MACROD2: variants seen among roughly 807,000 people sequenced by gnomAD.
MACROD2 encodes ADP-ribose glycohydrolase MACROD2.
In MACROD2, 36 loss-of-function variants were observed where a neutral mutation model predicts 70.4. That is an observed-to-expected ratio of 0.51 (90% CI 0.39 to 0.68). The LOEUF (loss-of-function observed/expected upper bound fraction) is 0.68. Among genes scored for constraint, MACROD2 ranks in the 30% least tolerant of loss-of-function variants. The pLI, the probability that MACROD2 is intolerant of heterozygous loss-of-function variation, is 0.00. For missense variants in MACROD2, 496 were observed against 538.4 expected, an observed-to-expected ratio of 0.92 and a Z score of 0.78; for synonymous variants, 172 against 178.8, an observed-to-expected ratio of 0.96 and a Z score of 0.30.
chr20:14,774,457 G>A (rs1448824361), intron 5 of MACROD2, among the ~76,000 whole-genome samples: 1 of 152,032 alleles, frequency 6.6e-6, no homozygotes, highest in Non-Finnish European at 1.5e-5. Flanking sequence ...TTAAACACCA[G>A]TGAGTAAGGG....
chr20:16,032,740 G>A (rs2067169208), intron 15 of MACROD2, among the ~76,000 whole-genome samples: 1 of 123,672 alleles, frequency 8.1e-6, no homozygotes, highest in South Asian at 3.0e-4. Context: ...GAGAGAAGAA[G>A]GGAAGAAAGG....
intron 3 of MACROD2, among the ~76,000 whole-genome samples, chr20:14,477,410 A>G (rs1055039234): frequency 6.6e-6 from 1 of 152,168 alleles, no homozygotes; most frequent in East Asian, 1.9e-4. Context: ...GAGGTAAACT[A>G]TTACTACGTT....
intron 3 of MACROD2, among the ~76,000 whole-genome samples, chr20:14,364,388 A>G (rs1320564082): frequency 6.6e-6 from 1 of 152,200 alleles, no homozygotes; most frequent in Non-Finnish European, 1.5e-5. Flanking sequence ...TTTGCCTATC[A>G]TTTAATGATT....
At chr20:15,444,004 G>A (rs1217829183) in intron 7 of MACROD2, among the ~76,000 whole-genome samples, 2 of 152,146 alleles carry the variant, frequency 1.3e-5, no homozygotes, top group Non-Finnish European at 2.9e-5. Flanking sequence ...AATTCACAGA[G>A]TTGCACAACA....
chr20:15,341,189 G>A (rs1001895111), intron 6 of MACROD2, among the ~76,000 whole-genome samples: 2 of 152,080 alleles, frequency 1.3e-5, no homozygotes, highest in Non-Finnish European at 2.9e-5. Flanking sequence ...TACATAAAAC[G>A]GTTAGAAAGT....
At chr20:14,438,665 A>C (rs561281332) in intron 3 of MACROD2, among the ~76,000 whole-genome samples, 1 of 152,260 alleles carries the variant, frequency 6.6e-6, no homozygotes, top group Non-Finnish European at 1.5e-5. Context: ...ATGATTAAAG[A>C]TTAGGGCACC....
intron 5 of MACROD2, among the ~76,000 whole-genome samples, chr20:15,169,421 G>A (rs181266915): frequency 6.6e-6 from 1 of 152,146 alleles, no homozygotes; most frequent in Non-Finnish European, 1.5e-5. Flanking sequence ...GTCTTTTTTG[G>A]CCTCTGGATT....
intron 5 of MACROD2, among the ~76,000 whole-genome samples, chr20:14,930,636 C>T (rs2074285584): frequency 2.0e-5 from 3 of 151,908 alleles, no homozygotes; most frequent in South Asian, 4.2e-4. Flanking sequence ...TACTCAATAA[C>T]AGTATTAAAC....
chr20:14,165,782 A>C (rs781628752), intron 3 of MACROD2, among the ~76,000 whole-genome samples: 5 of 152,216 alleles, frequency 3.3e-5, no homozygotes, highest in Non-Finnish European at 5.9e-5. Context: ...AAATGCATTG[A>C]TGGATGAATG....
At chr20:14,026,480 C>T (rs2053167856) in intron 2 of MACROD2, among the ~76,000 whole-genome samples, 1 of 152,130 alleles carries the variant, frequency 6.6e-6, no homozygotes, top group Non-Finnish European at 1.5e-5. Flanking sequence ...GTGGTTGGTA[C>T]CGGTTTTTCC....
In MACROD2 at chr20:15,470,523, C is replaced by T. The variant is rs114132011; in HGVS notation, c.572-29251C>T. On this transcript the variant is annotated intron_variant, in intron 7 of 17. Transcript: ENST00000684519. ...TTGTATGTCATCTCCCTGCCACCTGCGGAGTACGGAGGAAGAGCCAGGGCA... is the reference window on the plus strand; with the variant it reads ...TTGTATGTCATCTCCCTGCCACCTGTGGAGTACGGAGGAAGAGCCAGGGCA... 2.1e-3 allele frequency among the ~76,000 whole-genome samples: 318 copies of T among 152,264 alleles called. 1 individual carries two copies. The highest frequency in any genetic ancestry group is 7.2e-3 in the African/African-American group (301 of 41,554).
intron 8 of MACROD2, among the ~76,000 whole-genome samples, chr20:15,519,774 C>T (rs139519966): frequency 6.6e-6 from 1 of 152,294 alleles, no homozygotes; most frequent in African/African-American, 2.4e-5. Flanking sequence ...CTAGAGAAGC[C>T]TTATCTCCCT....
chr20:14,738,201 A>C (rs1449736729), intron 5 of MACROD2, among the ~76,000 whole-genome samples: 2 of 152,132 alleles, frequency 1.3e-5, no homozygotes, highest in Non-Finnish European at 2.9e-5. Flanking sequence ...GTTTAGGCAA[A>C]CATTTATAAA....
Position 14,674,856 on chromosome 20 carries a change from C to T in MACROD2, c.302-9987C>T, listed in dbSNP as rs956232897. 4.6e-5 allele frequency among the ~76,000 whole-genome samples: 7 copies of T among 152,084 alleles called. No homozygotes were observed. In the East Asian group the frequency reaches 9.6e-4, roughly 21 times the overall value. The stretch of plus-strand genomic sequence containing the variant: ...TTCTGAGAGATACATATTCAATGAG[C>T]GAAGCCTCTTACTTTTTAGGCTAAT... On this transcript the variant is annotated intron_variant, in intron 4 of 17. Coordinates refer to ENST00000684519, the MANE Select transcript of MACROD2 (RefSeq NM_001351661.2).
intron 5 of MACROD2, among the ~76,000 whole-genome samples, chr20:14,762,460 C>T (rs2072028511): frequency 6.6e-6 from 1 of 152,052 alleles, no homozygotes; most frequent in South Asian, 2.1e-4. Context: ...AAATCAAAAA[C>T]AAAAATAAAA....
chr20:14,829,791 C>A (rs2072943661), intron 5 of MACROD2, among the ~76,000 whole-genome samples: 1 of 152,018 alleles, frequency 6.6e-6, no homozygotes, highest in African/African-American at 2.4e-5. Flanking sequence ...TTCATTGAAT[C>A]AATTATTTTA....
intron 8 of MACROD2, among the ~76,000 whole-genome samples, chr20:15,608,883 A>T: frequency 1.3e-5 from 2 of 151,238 alleles, no homozygotes; most frequent in East Asian, 1.9e-4. Flanking sequence ...CTTTTTCTTT[A>T]TGTTATATTT....
Position 15,673,812 on chromosome 20 carries a change from G to A in MACROD2, c.645+173965G>A, listed in dbSNP as rs114331394. Among the ~76,000 whole-genome samples the A allele has an allele frequency of 5.2e-3, 778 of 150,486 alleles. 7 individuals are homozygous for A. The highest frequency in any genetic ancestry group is 0.018 in the African/African-American group (738 of 41,224). ...AAAAAAAAACAGCCCTGATCTCAAG[G>A]AGCTTATAGTCTATCGCATCCAATA... is the stretch of plus-strand genomic sequence containing the variant. On this transcript the variant is annotated intron_variant, in intron 8 of 17. Transcript: ENST00000684519.
intron 13 of MACROD2, among the ~76,000 whole-genome samples, chr20:15,982,316 A>G (rs949092982): frequency 6.6e-6 from 1 of 152,212 alleles, no homozygotes; most frequent in Non-Finnish European, 1.5e-5. Flanking sequence ...ATAGGACTGT[A>G]GCAATCTTTT....
Sources: allele counts gnomAD v4.1 joint callset (sites outside exome capture counted in the v4.1 genomes callset), GRCh38; gene constraint gnomAD v4.1.1; transcripts MANE v1.5; gene names NCBI Gene and HGNC (gene_info 2026-07-23, HGNC 2026-07-21).